Variants in NFIL3 observed in about 807,000 individuals in gnomAD.
NFIL3 encodes the protein nuclear factor, interleukin 3 regulated.
A neutral mutation model predicts 10.0 loss-of-function variants in NFIL3; 5 were observed. The observed-to-expected ratio is 0.50, with a 90% CI of 0.26 to 1.06. The LOEUF is 1.06. Ranked by LOEUF, NFIL3 falls within the 50% of genes least tolerant of loss-of-function variation. NFIL3 has a pLI of 0.13. For synonymous variants in NFIL3, 202 were observed against 206.5 expected (o/e 0.98, Z 0.19); for missense variants, 436 against 547.6 (o/e 0.80, Z 2.03).
chr9:91,474,266 T>G, the NFIL3 span, among the ~76,000 whole-genome samples: 1 of 152,170 alleles, frequency 6.6e-6, no homozygotes, highest in Non-Finnish European at 1.5e-5. Flanking sequence ...TTTTGAATAT[T>G]GACCTGTCTT....
the NFIL3 span, among the ~76,000 whole-genome samples, chr9:91,442,666 C>A: frequency 6.6e-6 from 1 of 152,166 alleles, no homozygotes; most frequent in Non-Finnish European, 1.5e-5. Flanking sequence ...TGGCTCCCTG[C>A]AAGGCTGCAG....
Position 91,423,641 on chromosome 9 carries a change from G to T in NFIL3, c.-174C>A, listed in dbSNP as rs1268807683. Reference sequence around the variant, plus strand: ...GCCGGCGGTGGGCGGAGCGCTTACCGTGTTCCTGCTCTCGGGCCGGCGAGG... The same window carrying T: ...GCCGGCGGTGGGCGGAGCGCTTACCTTGTTCCTGCTCTCGGGCCGGCGAGG... On this transcript the variant is annotated splice_region_variant and 5_prime_UTR_variant, in exon 1 of 2. Transcript: ENST00000297689. 6.9e-6 allele frequency: 1 copy of T among 145,856 alleles called. No individual in the cohort carries two copies. Among genetic ancestry groups the T allele is most frequent in the African/African-American group, 2.5e-5 (1 of 40,588 alleles). 9.0% of individuals were successfully genotyped at this position (145,856 alleles called of 1,614,324 possible).
the NFIL3 span, among the ~76,000 whole-genome samples, chr9:91,482,354 G>A: frequency 6.6e-6 from 1 of 151,784 alleles, no homozygotes; most frequent in Non-Finnish European, 1.5e-5. Context: ...ATATGAATGT[G>A]GTGAAAGTTA....
At chr9:91,434,380 GTCTACTAA>G in the NFIL3 span, among the ~76,000 whole-genome samples, 1 of 152,152 alleles carries the variant, frequency 6.6e-6, no homozygotes, top group Non-Finnish European at 1.5e-5. Flanking sequence ...GATGCTAAGT[GTCTACTAA>G]CCAAGGGAAA....
chr9:91,409,276 A>G lies in NFIL3; in HGVS notation c.*70T>C. 7.0e-7 allele frequency: 1 copy of G among 1,424,804 alleles called. No homozygotes were observed. Among genetic ancestry groups the G allele is most frequent in the Non-Finnish European group, 9.5e-7 (1 of 1,055,666 alleles). The allele number at this position is 1,424,804 out of a possible 1,614,324, so 88.3% of individuals were successfully genotyped here. The stretch of plus-strand genomic sequence containing the variant: ...ATCACAGGTCCAGTGAAAATTCAGC[A>G]TAATACAAAATGGACTGCTCTATTG... On this transcript the variant is annotated 3_prime_UTR_variant, in exon 2 of 2. Transcript: ENST00000297689.
chr9:91,468,445 T>C, the NFIL3 span, among the ~76,000 whole-genome samples: 6 of 152,214 alleles, frequency 3.9e-5, no homozygotes, highest in African/African-American at 1.4e-4. Flanking sequence ...TAGCCCTTTG[T>C]CCGATGAGTA....
intron 1 of NFIL3, among the ~76,000 whole-genome samples, chr9:91,419,159 G>A (rs1328381136): frequency 6.6e-6 from 1 of 152,118 alleles, no homozygotes; most frequent in Non-Finnish European, 1.5e-5. Flanking sequence ...GTTATATTTT[G>A]AATTGAATCC....
the NFIL3 span, among the ~76,000 whole-genome samples, chr9:91,443,058 G>C: frequency 6.6e-6 from 1 of 152,110 alleles, no homozygotes; most frequent in Non-Finnish European, 1.5e-5. Flanking sequence ...ACCTAAAGTG[G>C]GTAGCTCCTT....
At chr9:91,474,042 T>A in the NFIL3 span, among the ~76,000 whole-genome samples, 15 of 152,124 alleles carry the variant, frequency 9.9e-5, no homozygotes, top group African/African-American at 3.4e-4. Context: ...AGGGAAAGCA[T>A]CCAGTTTCTC....
At chr9:91,458,976 G>A in the NFIL3 span, among the ~76,000 whole-genome samples, 9 of 152,314 alleles carry the variant, frequency 5.9e-5, no homozygotes, top group Non-Finnish European at 1.3e-4. Context: ...TTTAGAAACA[G>A]GCTGGTGGGA....
chr9:91,418,492 T>C (rs1229953795), intron 1 of NFIL3, among the ~76,000 whole-genome samples: 4 of 152,246 alleles, frequency 2.6e-5, no homozygotes, highest in African/African-American at 9.6e-5. Flanking sequence ...CTAATGATAA[T>C]GTAGAATCAT....
At position 91,409,673 on chromosome 9, in the gene NFIL3, A is replaced by T; in HGVS notation, c.1062T>A (p.Pro354=). 1 of 1,614,232 alleles carries T rather than the reference A, an allele frequency of 6.2e-7. No individual in the cohort carries two copies. ...EFEATQKLSS[P]IDMTSKRHFE... is the part of the protein sequence containing the mutation. ...AATGTCTTTTAGATGTCATGTCAATAGGTGAGGAAAGTTTTTGCGTGGCCT... is the reference window on the plus strand; with the variant it reads ...AATGTCTTTTAGATGTCATGTCAATTGGTGAGGAAAGTTTTTGCGTGGCCT... The change falls in exon 2 of 2, where the codon CCT becomes CCA. Residue 354 remains proline, a synonymous_variant. Transcript: ENST00000297689.
At chr9:91,447,309 T>C in the NFIL3 span, among the ~76,000 whole-genome samples, 2 of 152,338 alleles carry the variant, frequency 1.3e-5, no homozygotes, top group Non-Finnish European at 2.9e-5. Flanking sequence ...CAGTATCTGT[T>C]TGAGTCCTGC....
chr9:91,422,142 TA>T (rs758613054), intron 1 of NFIL3, among the ~76,000 whole-genome samples: 2 of 152,220 alleles, frequency 1.3e-5, no homozygotes, highest in Non-Finnish European at 1.5e-5. Flanking sequence ...AGCAGTTTCC[TA>T]AAGTGTCCTT....
At chr9:91,479,292 A>G in the NFIL3 span, among the ~76,000 whole-genome samples, 1 of 152,126 alleles carries the variant, frequency 6.6e-6, no homozygotes, top group Non-Finnish European at 1.5e-5. Flanking sequence ...TGGGAGTTTT[A>G]TCTGTAAGCC....
the NFIL3 span, among the ~76,000 whole-genome samples, chr9:91,447,198 T>C: frequency 6.6e-6 from 1 of 152,208 alleles, no homozygotes. Flanking sequence ...CATTTGTATG[T>C]ATATATCACA....
At chr9:91,464,888 A>G in the NFIL3 span, among the ~76,000 whole-genome samples, 1 of 152,102 alleles carries the variant, frequency 6.6e-6, no homozygotes, top group Non-Finnish European at 1.5e-5. Flanking sequence ...CTCTTCCAAA[A>G]ACTAATCTCT....
chr9:91,480,454 A>C, the NFIL3 span, among the ~76,000 whole-genome samples: 14 of 152,290 alleles, frequency 9.2e-5, no homozygotes, highest in African/African-American at 3.4e-4. Context: ...GAACTGGTCA[A>C]CTAAGGGTAT....
At chr9:91,448,159 G>A in the NFIL3 span, among the ~76,000 whole-genome samples, 2 of 151,696 alleles carry the variant, frequency 1.3e-5, no homozygotes, top group Non-Finnish European at 2.9e-5. Flanking sequence ...GTGCTCTTAT[G>A]TCTATCCTCA....
Sources: allele counts gnomAD v4.1 joint callset (sites outside exome capture counted in the v4.1 genomes callset), GRCh38; gene constraint gnomAD v4.1.1; transcripts MANE v1.5; gene names NCBI Gene and HGNC (gene_info 2026-07-23, HGNC 2026-07-21).